CDNF: variants seen among roughly 807,000 people sequenced by gnomAD.
CDNF encodes cerebral dopamine neurotrophic factor.
CDNF carries 9 observed loss-of-function variants against 14.8 expected under a neutral mutation model. The observed-to-expected ratio is 0.61, with a 90% CI of 0.37 to 1.06. The LOEUF (loss-of-function observed/expected upper bound fraction) is 1.06. CDNF is among the 50% of genes least tolerant of loss of function. CDNF has a pLI of 0.01. For missense variants in CDNF, 228 were observed against 228.4 expected (o/e 1.00, Z 0.01); for synonymous variants, 86 against 87.2 (o/e 0.99, Z 0.07).
intron 2 of CDNF, among the ~76,000 whole-genome samples, chr10:14,827,771 A>G (rs1377519326): frequency 6.6e-6 from 1 of 152,142 alleles, no homozygotes; most frequent in Non-Finnish European, 1.5e-5. Flanking sequence ...GCACACCCGT[A>G]ATCCTAGCTA....
rs1564311550 is a variant in CDNF, at chr10:14,819,874, G to A, written c.*106C>T. ...GGAATAATACCAACACAAAAAGCATGAGACCAAATATGATGCATTCCCAGT... is the reference window on the plus strand; with the variant it reads ...GGAATAATACCAACACAAAAAGCATAAGACCAAATATGATGCATTCCCAGT... On this transcript the variant is annotated 3_prime_UTR_variant, in exon 4 of 4. Transcript: ENST00000465530. The A allele has an allele frequency of 8.7e-7, 1 of 1,145,692 alleles. No individual in the cohort carries two copies. Among genetic ancestry groups the A allele is most frequent in the East Asian group, 2.4e-5 (1 of 40,982 alleles). The allele number at this position is 1,145,692 out of a possible 1,614,324, so 71.0% of individuals were successfully genotyped here. A position where few individuals can be genotyped will look rare whatever the true frequency, so the allele number is the denominator to read the frequency against.
At chr10:14,823,215 GTTTC>G (rs1339737806) in intron 3 of CDNF, among the ~76,000 whole-genome samples, 3 of 152,166 alleles carry the variant, frequency 2.0e-5, no homozygotes, top group African/African-American at 7.2e-5. Context: ...AATGTCAGTA[GTTTC>G]TTTGAGTTTT....
chr10:14,823,364 C>T lies in CDNF; in HGVS notation c.385+2115G>A, dbSNP rs113520675. 9.0e-3 allele frequency among the ~76,000 whole-genome samples: 1,375 copies of T among 152,172 alleles called. 18 individuals are homozygous for T. Among genetic ancestry groups the T allele is most frequent in the African/African-American group, 0.03 (1,262 of 41,502 alleles). On this transcript the variant is annotated intron_variant, in intron 3 of 3. Coordinates refer to ENST00000465530, the MANE Select transcript of CDNF (RefSeq NM_001029954.3). The stretch of plus-strand genomic sequence containing the variant: ...CCCAAGGGCCTCTAGTGGCCAGCAT[C>T]GCCAAAACATTAGGTAGTCATTTCG...
rs1175142012 is a variant in CDNF at position 14,819,457 on chromosome 10, T to C, written c.*523A>G. ...TAGGTTTAAGTGGGTTTTCTTCCAA[T>C]GGGAAAAACGAGTACTCCTGCCTGA... On this transcript the variant is annotated 3_prime_UTR_variant, in exon 4 of 4. Transcript: ENST00000465530. 6.6e-6 allele frequency: 1 copy of C among 152,154 alleles called. No homozygotes were observed. Among genetic ancestry groups the C allele is most frequent in the Non-Finnish European group, 1.5e-5 (1 of 68,062 alleles). 9.4% of individuals were successfully genotyped at this position (152,154 alleles called of 1,614,324 possible).
intron 1 of CDNF, among the ~76,000 whole-genome samples, chr10:14,829,032 T>A (rs909999728): frequency 6.6e-6 from 1 of 151,702 alleles, no homozygotes; most frequent in Non-Finnish European, 1.5e-5. Flanking sequence ...CTCAAGAAAA[T>A]TAAAAATATA....
Position 14,819,949 on chromosome 10 carries a change from T to C in CDNF, c.*31A>G. 1 of 1,599,314 alleles carries C rather than the reference T, an allele frequency of 6.3e-7. No individual in the cohort carries two copies. Among genetic ancestry groups the C allele is most frequent in the Non-Finnish European group, 8.5e-7 (1 of 1,172,266 alleles). ...CCTAGAGAGTCACTTTTCTCTCTAA[T>C]TACAAGTCACAAATGTGCTGGCATT... On this transcript the variant is annotated 3_prime_UTR_variant, in exon 4 of 4. Coordinates refer to ENST00000465530, the MANE Select transcript of CDNF (RefSeq NM_001029954.3).
intron 3 of CDNF, 110 bp downstream of exon 3, chr10:14,825,369 G>A (rs1833770586): frequency 9.5e-7 from 1 of 1,057,128 alleles, no homozygotes; most frequent in East Asian, 2.4e-5. Flanking sequence ...TTATTGATGA[G>A]TGGTGAATTT....
chr10:14,820,182 C>A (rs915328531), intron 3 of CDNF, 24 bp from the exon 4 acceptor site: 2 of 1,602,436 alleles, frequency 1.2e-6, no homozygotes, highest in Non-Finnish European at 1.7e-6. Context: ...AGGAAAAAAG[C>A]CAATTACAAA....
At position 14,828,177 on chromosome 10, in the gene CDNF, A is replaced by C; in HGVS notation, c.211T>G (p.Cys71Gly). 6.2e-7 allele frequency: 1 copy of C among 1,614,028 alleles called. No homozygotes were observed. The highest frequency in any genetic ancestry group is 8.5e-7 in the Non-Finnish European group (1 of 1,179,872). The change falls in exon 2 of 4, where the codon TGC (cysteine) becomes GGC (glycine). Residue 71 changes from cysteine to glycine, a missense_variant. Coordinates refer to ENST00000465530, the MANE Select transcript of CDNF (RefSeq NM_001029954.3). ...TTTTCTTTTCCTTTGGTGTCCAAGC[A>C]AAAACTGATCAATTCTTTCTCTATA... ...DTIEKELISF[C>G]LDTKGKENRL...
chr10:14,825,971 AAAG>A (rs1161261597), intron 2 of CDNF, among the ~76,000 whole-genome samples: 2 of 149,530 alleles, frequency 1.3e-5, no homozygotes, highest in South Asian at 2.1e-4. Flanking sequence ...AAGAAGAAGA[AAAG>A]AAGAAGAAGG....
chr10:14,829,983 T>C (rs1220220167), intron 1 of CDNF, among the ~76,000 whole-genome samples: 1 of 152,146 alleles, frequency 6.6e-6, no homozygotes, highest in African/African-American at 2.4e-5. Flanking sequence ...CCTCGTTTCT[T>C]TGTGTGCTTG....
chr10:14,819,821 C>T lies in CDNF; in HGVS notation c.*159G>A. On this transcript the variant is annotated 3_prime_UTR_variant, in exon 4 of 4. Transcript: ENST00000465530. ...TAAGTTATCAGTAGTATTAGTTTCA[C>T]TCATAAACCCACGTAACAAAATTCT... 1.4e-6 allele frequency: 1 copy of T among 700,746 alleles called. No individual in the cohort carries two copies. The highest frequency in any genetic ancestry group is 2.6e-5 in the East Asian group (1 of 38,028). 43.4% of individuals were successfully genotyped at this position (700,746 alleles called of 1,614,324 possible).
At chr10:14,828,293 T>C (rs1271289323) in intron 1 of CDNF, 21 bp from the exon 2 acceptor site, 1 of 1,612,102 alleles carries the variant, frequency 6.2e-7, no homozygotes, top group African/African-American at 1.3e-5. Flanking sequence ...CAAATAAATA[T>C]GTCTGCATGC....
chr10:14,835,125 CT>C (rs1441695274), intron 1 of CDNF, among the ~76,000 whole-genome samples: 6 of 152,258 alleles, frequency 3.9e-5, no homozygotes, highest in Non-Finnish European at 2.9e-5. Context: ...GGTTTTTTGA[CT>C]GTGTTGATGT....
intron 2 of CDNF, among the ~76,000 whole-genome samples, chr10:14,826,704 G>T (rs1033781262): frequency 6.6e-6 from 1 of 152,160 alleles, no homozygotes; most frequent in Non-Finnish European, 1.5e-5. Flanking sequence ...TGCTCTCAGT[G>T]CTTTAAAGGT....
chr10:14,826,089 AAGAAGAAGCAGC>A (rs1444490687), intron 2 of CDNF, among the ~76,000 whole-genome samples: 118 of 125,438 alleles, frequency 9.4e-4, no homozygotes, highest in Admixed American at 3.0e-3. Context: ...GAAGAAGAAG[AAGAAGAAGCAGC>A]AGCAGCAGCA....
At chr10:14,823,629 G>T (rs990582694) in intron 3 of CDNF, among the ~76,000 whole-genome samples, 1 of 152,272 alleles carries the variant, frequency 6.6e-6, no homozygotes, top group African/African-American at 2.4e-5. Flanking sequence ...CCAGGCTCAG[G>T]TGATCCTCCC....
At chr10:14,826,400 C>T (rs992927649) in intron 2 of CDNF, among the ~76,000 whole-genome samples, 2 of 143,800 alleles carry the variant, frequency 1.4e-5, no homozygotes, top group African/African-American at 5.2e-5. Context: ...GCAGAAGAAG[C>T]AGCAGCAGCA....
At chr10:14,823,203 TAAA>T (rs1284464081) in intron 3 of CDNF, among the ~76,000 whole-genome samples, 1 of 152,246 alleles carries the variant, frequency 6.6e-6, no homozygotes, top group Non-Finnish European at 1.5e-5. Context: ...CATTTTTTTG[TAAA>T]TGTCAGTAGT....
Sources: gnomAD v4.1 joint callset for allele counts (sites outside exome capture counted in the v4.1 genomes callset) on GRCh38, gnomAD v4.1.1 for gene constraint, MANE v1.5 for transcripts, NCBI Gene and HGNC (gene_info 2026-07-23, HGNC 2026-07-21) for gene names.